Variants in SPAG16 observed in about 807,000 individuals in gnomAD.
The protein encoded by SPAG16 is sperm associated antigen 16.
Under a neutral mutation model 80.4 loss-of-function variants are expected in SPAG16, and 86 were observed. That is an observed-to-expected ratio of 1.07 (90% CI 0.90 to 1.28). The LOEUF is 1.28. Among genes scored for constraint, SPAG16 ranks in the 50% most tolerant of loss-of-function variants. SPAG16 has a pLI of 0.00. For missense variants in SPAG16, 870 were observed against 765.3 expected, an observed-to-expected ratio of 1.14 and a Z score of -1.61; for synonymous variants, 294 against 265.9, an observed-to-expected ratio of 1.11 and a Z score of -1.03.
intron 15 of SPAG16, among the ~76,000 whole-genome samples, chr2:214,307,343 C>A (rs191999965): frequency 6.6e-6 from 1 of 152,102 alleles, no homozygotes; most frequent in East Asian, 1.9e-4. Context: ...AAAAACAGCT[C>A]CTGGTTCATT....
At chr2:213,719,064 G>C (rs1379021285) in intron 10 of SPAG16, among the ~76,000 whole-genome samples, 1 of 152,044 alleles carries the variant, frequency 6.6e-6, no homozygotes, top group African/African-American at 2.4e-5. Flanking sequence ...GCGACACTCG[G>C]TATCTAGCTG....
intron 15 of SPAG16, among the ~76,000 whole-genome samples, chr2:214,328,814 T>C (rs1696682947): frequency 6.6e-6 from 1 of 152,194 alleles, no homozygotes; most frequent in Non-Finnish European, 1.5e-5. Flanking sequence ...TCAATTCATG[T>C]ACATGTGATA....
chr2:213,758,951 T>C (rs141539239), intron 10 of SPAG16, among the ~76,000 whole-genome samples: 68 of 152,276 alleles, frequency 4.5e-4, no homozygotes, highest in Non-Finnish European at 6.0e-4. Flanking sequence ...GAATAATCAG[T>C]AAGATTATCA....
chr2:213,949,679 A>G (rs1008764879), intron 12 of SPAG16, among the ~76,000 whole-genome samples: 1 of 152,172 alleles, frequency 6.6e-6, no homozygotes, highest in Non-Finnish European at 1.5e-5. Context: ...TTTAACTCCT[A>G]AATTATTTAC....
chr2:213,465,345 G>A (rs1047265621), intron 9 of SPAG16, among the ~76,000 whole-genome samples: 1 of 152,142 alleles, frequency 6.6e-6, no homozygotes, highest in South Asian at 2.1e-4. Flanking sequence ...TCACAATAGT[G>A]TCATTCAGGA....
At chr2:214,214,634 C>A (rs2058382407) in intron 15 of SPAG16, among the ~76,000 whole-genome samples, 2 of 151,906 alleles carry the variant, frequency 1.3e-5, no homozygotes, top group South Asian at 4.1e-4. Flanking sequence ...AGAGCCACAT[C>A]ATTTTATTTA....
At chr2:214,052,759 T>A (rs2049722661) in intron 13 of SPAG16, among the ~76,000 whole-genome samples, 1 of 152,190 alleles carries the variant, frequency 6.6e-6, no homozygotes, top group Non-Finnish European at 1.5e-5. Context: ...TTTCTTCTCA[T>A]ACTTCCCCTC....
chr2:213,813,660 C>G (rs1209481239), intron 10 of SPAG16, among the ~76,000 whole-genome samples: 1 of 152,150 alleles, frequency 6.6e-6, no homozygotes, highest in African/African-American at 2.4e-5. Flanking sequence ...AGTTCAGATT[C>G]CTGTGCTGAT....
intron 13 of SPAG16, among the ~76,000 whole-genome samples, chr2:214,042,331 A>C (rs1469070566): frequency 1.8e-4 from 27 of 152,016 alleles, no homozygotes; most frequent in Admixed American, 1.6e-3. Context: ...AGTTTGGTGC[A>C]AAAGTTATTG....
At chr2:214,055,015 T>A (rs1262724704) in intron 13 of SPAG16, among the ~76,000 whole-genome samples, 1 of 152,200 alleles carries the variant, frequency 6.6e-6, no homozygotes, top group African/African-American at 2.4e-5. Context: ...AAAGTGATAT[T>A]CACAGCAGGA....
chr2:213,620,098 T>TA (rs993172012), intron 10 of SPAG16, among the ~76,000 whole-genome samples: 6 of 148,816 alleles, frequency 4.0e-5, no homozygotes, highest in Non-Finnish European at 6.0e-5. Flanking sequence ...AGGTGGGAGC[T>TA]AAAAAAAAAG....
At chr2:213,519,677 G>A (rs1042757691) in intron 10 of SPAG16, among the ~76,000 whole-genome samples, 3 of 151,986 alleles carry the variant, frequency 2.0e-5, no homozygotes, top group African/African-American at 7.3e-5. Context: ...TTAAAATTAT[G>A]CCTAAGAATG....
At chr2:213,676,136 C>T (rs1260875240) in intron 10 of SPAG16, among the ~76,000 whole-genome samples, 1 of 151,242 alleles carries the variant, frequency 6.6e-6, no homozygotes, top group East Asian at 1.9e-4. Context: ...GTATTTTATT[C>T]TCTTTGAAGC....
chr2:213,845,492 G>A (rs941686406), intron 10 of SPAG16, among the ~76,000 whole-genome samples: 8 of 152,042 alleles, frequency 5.3e-5, no homozygotes, highest in Non-Finnish European at 8.8e-5. Context: ...CACTGCAAGC[G>A]GCCCTTGTTC....
intron 10 of SPAG16, among the ~76,000 whole-genome samples, chr2:213,728,032 G>A (rs2066852597): frequency 6.6e-6 from 1 of 151,864 alleles, no homozygotes; most frequent in South Asian, 2.1e-4. Flanking sequence ...TATTTTTAGT[G>A]GAGACGAGGT....
At chr2:213,469,728 A>G (rs1050079885) in intron 9 of SPAG16, among the ~76,000 whole-genome samples, 3 of 151,982 alleles carry the variant, frequency 2.0e-5, no homozygotes, top group African/African-American at 7.2e-5. Context: ...GCCCTAATGG[A>G]TCTCCTATAT....
At chr2:213,710,285 A>T (rs956539649) in intron 10 of SPAG16, among the ~76,000 whole-genome samples, 5 of 143,144 alleles carry the variant, frequency 3.5e-5, no homozygotes, top group Admixed American at 7.0e-5. Flanking sequence ...ATCTGTCTTT[A>T]AAAAAAAAAA....
chr2:214,360,092 C>T (rs1699087324), intron 15 of SPAG16, among the ~76,000 whole-genome samples: 2 of 151,852 alleles, frequency 1.3e-5, no homozygotes, highest in African/African-American at 4.8e-5. Flanking sequence ...AGCTACAAAT[C>T]ACCACAATTG....
Position 214,169,309 on chromosome 2 carries a change from A to T in SPAG16, c.1720+20043A>T, listed in dbSNP as rs138894850. 3.8e-3 allele frequency among the ~76,000 whole-genome samples: 571 copies of T among 152,198 alleles called. 3 individuals are homozygous for T. Among genetic ancestry groups the T allele is most frequent in the Middle Eastern group, 0.01 (3 of 294 alleles). On this transcript the variant is annotated intron_variant, in intron 15 of 15. Coordinates refer to ENST00000331683, the MANE Select transcript of SPAG16 (RefSeq NM_024532.5). ...CCCATTTTGTGTTAAAAAAGAACACAATCATAATTTGACTCCTTTATTCAA... is the reference window on the plus strand; with the variant it reads ...CCCATTTTGTGTTAAAAAAGAACACTATCATAATTTGACTCCTTTATTCAA...
Sources: allele counts gnomAD v4.1 joint callset (sites outside exome capture counted in the v4.1 genomes callset), GRCh38; gene constraint gnomAD v4.1.1; transcripts MANE v1.5; gene names NCBI Gene and HGNC (gene_info 2026-07-23, HGNC 2026-07-21).